ALMS1: variants seen among roughly 807,000 people sequenced by gnomAD.
The protein encoded by ALMS1 is centrosome-associated protein ALMS1.
Under a neutral mutation model 352.2 loss-of-function variants are expected in ALMS1, and 271 were observed. That is an observed-to-expected ratio of 0.77 (90% CI 0.70 to 0.85). The LOEUF (loss-of-function observed/expected upper bound fraction) is 0.85, where lower values mean the gene tolerates loss of function less well. Ranked by LOEUF, ALMS1 falls within the 40% of genes least tolerant of loss-of-function variation. The pLI is 0.00. For synonymous variants in ALMS1, 1,865 were observed against 1,761.2 expected, an observed-to-expected ratio of 1.06 and a Z score of -1.48; for missense variants, 5,445 against 4,870.7, an observed-to-expected ratio of 1.12 and a Z score of -3.51.
In ALMS1 at chr2:73,386,094, GC is replaced by G; in HGVS notation, c.228del (p.Lys77ArgfsTer36). On this transcript the variant is annotated frameshift_variant, in exon 1 of 23. Coordinates refer to ENST00000613296, the MANE Select transcript of ALMS1 (RefSeq NM_001378454.1). LOFTEE classifies it high-confidence loss of function. ...ESIDDEEDEE[A>X]KAWLQAHPGR... ...TATAGACGACGAGGAGGACGAGGAG[GC>G]CAAGGCCTGGCTGCAGGCGCACCCC... is the stretch of plus-strand genomic sequence containing the variant. The G allele has an allele frequency of 6.3e-7, 1 of 1,595,172 alleles. No homozygotes were observed. The highest frequency in any genetic ancestry group is 8.5e-7 in the Non-Finnish European group (1 of 1,171,490).
At chr2:73,400,782 C>T (rs1003236458) in intron 1 of ALMS1, among the ~76,000 whole-genome samples, 5 of 151,860 alleles carry the variant, frequency 3.3e-5, no homozygotes, top group Non-Finnish European at 7.4e-5. Context: ...TTGTGATGTC[C>T]TCTCTTTCTT....
chr2:73,537,799 G>T (rs973514165), intron 12 of ALMS1, among the ~76,000 whole-genome samples: 1 of 152,090 alleles, frequency 6.6e-6, no homozygotes, highest in Admixed American at 6.5e-5. Context: ...CTGAGCCCTG[G>T]AGTTTGAGAT....
chr2:73,460,745 C>T (rs1672174849), intron 9 of ALMS1, among the ~76,000 whole-genome samples: 1 of 152,232 alleles, frequency 6.6e-6, no homozygotes, highest in South Asian at 2.1e-4. Flanking sequence ...CACACTAATA[C>T]TGCGCTTTTC....
intron 9 of ALMS1, among the ~76,000 whole-genome samples, chr2:73,478,903 T>C (rs936838410): frequency 6.6e-6 from 1 of 152,062 alleles, no homozygotes; most frequent in East Asian, 1.9e-4. Flanking sequence ...TGTGTTCTCA[T>C]TGTTCAACTC....
At chr2:73,584,178 T>G (rs1675259646) in intron 16 of ALMS1, among the ~76,000 whole-genome samples, 1 of 152,204 alleles carries the variant, frequency 6.6e-6, no homozygotes, top group African/African-American at 2.4e-5. Context: ...TGATTTTACT[T>G]CTTCCCACCT....
Position 73,448,965 on chromosome 2 carries a change from A to G in ALMS1, c.2438A>G (p.His813Arg), listed in dbSNP as rs775512871. 6.2e-7 allele frequency: 1 copy of G among 1,614,062 alleles called. No homozygotes were observed. Among genetic ancestry groups the G allele is most frequent in the Non-Finnish European group, 8.5e-7 (1 of 1,179,962 alleles). Residue 813 changes from histidine to arginine, a missense_variant, in exon 8 of 23, where the codon CAC becomes CGC. By Grantham distance (29) the His-to-Arg change is conservative. Transcript: ENST00000613296. ...ACAGTACCCTCTAGTGCATACTCAC[A>G]CAGAGAGAAGCTCCTTGTTTTCTAC... is the stretch of plus-strand genomic sequence containing the variant. ...LPTVPSSAYS[H>R]REKLLVFYQQ...
At chr2:73,518,868 G>A (rs992177642) in intron 10 of ALMS1, among the ~76,000 whole-genome samples, 1 of 152,112 alleles carries the variant, frequency 6.6e-6, no homozygotes, top group Non-Finnish European at 1.5e-5. Context: ...CCATTCTATA[G>A]GTTGTCTGTT....
intron 7 of ALMS1, among the ~76,000 whole-genome samples, chr2:73,443,111 C>T (rs149539901): frequency 1.3e-5 from 2 of 152,290 alleles, no homozygotes; most frequent in Non-Finnish European, 2.9e-5. Flanking sequence ...ATCTTCTCTG[C>T]CACTTATTTT....
intron 1 of ALMS1, among the ~76,000 whole-genome samples, chr2:73,392,020 A>G (rs1165685418): frequency 6.6e-5 from 10 of 151,972 alleles, no homozygotes; most frequent in Non-Finnish European, 4.4e-5. Context: ...GCTACACAGT[A>G]TTCTTTATTT....
At chr2:73,548,534 G>A (rs111990911) in intron 12 of ALMS1, among the ~76,000 whole-genome samples, 2 of 152,198 alleles carry the variant, frequency 1.3e-5, no homozygotes, top group African/African-American at 2.4e-5. Context: ...CTTGGAGAAC[G>A]AGGGGTGGTG....
chr2:73,442,805 T>C (rs1671743921), intron 7 of ALMS1, among the ~76,000 whole-genome samples: 1 of 152,206 alleles, frequency 6.6e-6, no homozygotes, highest in African/African-American at 2.4e-5. Context: ...ATTGTAGGAC[T>C]CTATCTAGAT....
intron 10 of ALMS1, among the ~76,000 whole-genome samples, chr2:73,515,424 T>A (rs1361066777): frequency 6.6e-6 from 1 of 152,108 alleles, no homozygotes; most frequent in African/African-American, 2.4e-5. Flanking sequence ...TCTCAATTTT[T>A]GATCATTTTT....
chr2:73,571,577 T>A (rs1303611008), intron 15 of ALMS1, among the ~76,000 whole-genome samples: 3 of 152,090 alleles, frequency 2.0e-5, no homozygotes. Context: ...TCCTACCTAA[T>A]ACTATTATAT....
chr2:73,507,239 T>G (rs546790994), intron 10 of ALMS1, among the ~76,000 whole-genome samples: 1 of 152,338 alleles, frequency 6.6e-6, no homozygotes, highest in East Asian at 1.9e-4. Flanking sequence ...CCTGAAATTT[T>G]CTTTTTTGTT....
intron 4 of ALMS1, among the ~76,000 whole-genome samples, chr2:73,423,919 A>G (rs1054595239): frequency 6.6e-6 from 1 of 152,028 alleles, no homozygotes. Flanking sequence ...CTAGTACTAC[A>G]GGCATGTGCC....
intron 9 of ALMS1, among the ~76,000 whole-genome samples, chr2:73,485,669 C>T (rs1317108389): frequency 1.3e-5 from 2 of 152,198 alleles, no homozygotes; most frequent in Non-Finnish European, 2.9e-5. Context: ...GCCCCTCCCC[C>T]AGCCTCGCTG....
At chr2:73,397,461 GT>G (rs941618194) in intron 1 of ALMS1, among the ~76,000 whole-genome samples, 1 of 151,588 alleles carries the variant, frequency 6.6e-6, no homozygotes, top group African/African-American at 2.4e-5. Context: ...CTGTTTTGGG[GT>G]TTTTTTGTTT....
intron 17 of ALMS1, 138 bp from the exon 18 acceptor site, chr2:73,600,540 C>G: frequency 1.4e-6 from 1 of 736,294 alleles, no homozygotes; most frequent in East Asian, 2.8e-5. Context: ...TTCTCTTCCT[C>G]TCTCTTCGCA....
chr2:73,395,057 TGTGTATATATATATATATATA>T (rs1670729661), intron 1 of ALMS1, among the ~76,000 whole-genome samples: 2 of 115,968 alleles, frequency 1.7e-5, no homozygotes, highest in Non-Finnish European at 3.7e-5. Context: ...TATATATATA[TGTGTATATATATATATATATA>T]TTTTTTTTTT....
Sources: gnomAD v4.1 joint callset for allele counts (sites outside exome capture counted in the v4.1 genomes callset) on GRCh38, gnomAD v4.1.1 for gene constraint, MANE v1.5 for transcripts, NCBI Gene and HGNC (gene_info 2026-07-23, HGNC 2026-07-21) for gene names.